TANC2: variants seen among roughly 807,000 people sequenced by gnomAD.
TANC2 encodes tetratricopeptide repeat, ankyrin repeat and coiled-coil containing 2.
TANC2 carries 26 observed loss-of-function variants against 210.5 expected under a neutral mutation model. The ratio of observed to expected loss-of-function variants is 0.12; its 90% CI spans 0.09 to 0.17. TANC2 has a LOEUF of 0.17. TANC2 is among the 10% of genes least tolerant of loss of function. TANC2 has a pLI of 1.00. For missense variants in TANC2, 2,129 were observed against 2,608.9 expected (o/e 0.82, Z 4.01); for synonymous variants, 931 against 967.1 (o/e 0.96, Z 0.69).
At chr17:63,197,674 A>C (rs1396097175) in intron 6 of TANC2, 1 of 152,206 alleles carries the variant, frequency 6.6e-6, no homozygotes, top group Non-Finnish European at 1.5e-5. Flanking sequence ...GGACCTTATG[A>C]ATTTCCTCTT....
chr17:63,166,329 GAT>G (rs972997150), intron 5 of TANC2, among the ~76,000 whole-genome samples: 1 of 151,818 alleles, frequency 6.6e-6, no homozygotes, highest in Non-Finnish European at 1.5e-5. Context: ...GAGAGAGAGA[GAT>G]AGAGATTGTT....
exon 28 of TANC2, chr17:63,423,524 G>A (rs2049074616): frequency 6.6e-6 from 1 of 152,202 alleles, no homozygotes. Context: ...CTGTTGTTAG[G>A]AATCATTCTG....
chr17:63,096,559 G>A (rs60282550), intron 3 of TANC2, among the ~76,000 whole-genome samples: 1,784 of 152,268 alleles, frequency 0.012, 34 homozygotes, highest in African/African-American at 0.041. Context: ...GCTTTTGAAT[G>A]TTGTAGCATG....
intron 9 of TANC2, among the ~76,000 whole-genome samples, chr17:63,284,354 G>A (rs1314366899): frequency 1.3e-5 from 2 of 151,840 alleles, no homozygotes; most frequent in African/African-American, 4.8e-5. Flanking sequence ...TGTATTTACT[G>A]TTCTGTATTT....
At chr17:63,074,316 A>T (rs190437291) in intron 3 of TANC2, among the ~76,000 whole-genome samples, 10 of 152,128 alleles carry the variant, frequency 6.6e-5, no homozygotes, top group Non-Finnish European at 1.0e-4. Flanking sequence ...TTCAACACCA[A>T]CATTTGTTGG....
chr17:63,262,469 C>T (rs770492228), intron 8 of TANC2, among the ~76,000 whole-genome samples: 17 of 152,130 alleles, frequency 1.1e-4, no homozygotes, highest in Non-Finnish European at 2.5e-4. Context: ...GGATTACAGG[C>T]GCAAGCCACC....
At chr17:63,276,912 A>G (rs1445498494) in intron 9 of TANC2, among the ~76,000 whole-genome samples, 1 of 152,166 alleles carries the variant, frequency 6.6e-6, no homozygotes, top group African/African-American at 2.4e-5. Flanking sequence ...CTTAATATAA[A>G]AAGCAATCGG....
intron 2 of TANC2, among the ~76,000 whole-genome samples, chr17:63,053,726 G>C (rs1037017802): frequency 6.6e-6 from 1 of 152,208 alleles, no homozygotes; most frequent in Non-Finnish European, 1.5e-5. Flanking sequence ...ACTCCGCATA[G>C]TCTCCTCATC....
At chr17:63,294,457 G>A (rs530307882) in intron 9 of TANC2, among the ~76,000 whole-genome samples, 3 of 151,916 alleles carry the variant, frequency 2.0e-5, no homozygotes, top group Non-Finnish European at 2.9e-5. Context: ...CAGCCTAGGC[G>A]ACAGAATGAG....
chr17:63,178,468 T>G (rs919812059), intron 5 of TANC2, among the ~76,000 whole-genome samples: 4 of 150,932 alleles, frequency 2.7e-5, no homozygotes, highest in Non-Finnish European at 5.9e-5. Context: ...CTTCCGTGCC[T>G]TTTTCAACAT....
At chr17:63,370,679 T>C (rs902541984) in intron 14 of TANC2, among the ~76,000 whole-genome samples, 1 of 152,184 alleles carries the variant, frequency 6.6e-6, no homozygotes, top group African/African-American at 2.4e-5. Flanking sequence ...TTGGAAGAGG[T>C]CTGCCCTGTA....
At chr17:63,017,818 G>C (rs1238769873) in intron 2 of TANC2, among the ~76,000 whole-genome samples, 1 of 152,096 alleles carries the variant, frequency 6.6e-6, no homozygotes, top group African/African-American at 2.4e-5. Flanking sequence ...ATAATTTATA[G>C]AGCGAGTAAT....
chr17:63,303,915 G>A (rs554560068), intron 9 of TANC2, among the ~76,000 whole-genome samples: 15 of 151,770 alleles, frequency 9.9e-5, no homozygotes, highest in South Asian at 4.2e-4. Flanking sequence ...CGAAGTTCTC[G>A]TGCTGTGTTT....
At chr17:63,149,487 T>TC (rs1238571407) in intron 4 of TANC2, 1 of 152,050 alleles carries the variant, frequency 6.6e-6, no homozygotes, top group African/African-American at 2.4e-5. Flanking sequence ...ATATATAGAG[T>TC]CCCTTGAGCA....
chr17:63,317,688 A>C (rs981918241), intron 10 of TANC2, among the ~76,000 whole-genome samples: 11 of 152,026 alleles, frequency 7.2e-5, no homozygotes, highest in Non-Finnish European at 1.5e-4. Context: ...CTACGTTCCT[A>C]CTCTGTTCAT....
At chr17:63,227,648 T>G (rs2042363154) in intron 7 of TANC2, among the ~76,000 whole-genome samples, 1 of 152,208 alleles carries the variant, frequency 6.6e-6, no homozygotes, top group African/African-American at 2.4e-5. Context: ...TTATTGCAAT[T>G]GCTTTTGATG....
At chr17:63,310,830 A>G (rs1293675444) in intron 9 of TANC2, among the ~76,000 whole-genome samples, 1 of 152,222 alleles carries the variant, frequency 6.6e-6, no homozygotes, top group Non-Finnish European at 1.5e-5. Flanking sequence ...GGTCATTTTC[A>G]CGCAACCAGG....
intron 2 of TANC2, among the ~76,000 whole-genome samples, chr17:63,027,783 C>CT (rs973110085): frequency 1.2e-4 from 19 of 152,164 alleles, no homozygotes; most frequent in African/African-American, 4.6e-4. Flanking sequence ...ATCATAGACT[C>CT]TTTGTCCTCA....
rs1365292463 is a variant in TANC2 at position 63,267,734 on chromosome 17, T to C, written c.1034-14T>C. On this transcript the variant is annotated splice_polypyrimidine_tract_variant and intron_variant, in intron 8 of 27. Transcript: ENST00000689528. ...GAACTTAAATATTCTAACTAAACTTTTCTTTCTTGTCAGCCACCAGCTCTG... is the reference window on the plus strand; with the variant it reads ...GAACTTAAATATTCTAACTAAACTTCTCTTTCTTGTCAGCCACCAGCTCTG... 5 of 1,610,258 alleles carry C rather than the reference T, an allele frequency of 3.1e-6. No homozygotes were observed. Among genetic ancestry groups the C allele is most frequent in the East Asian group, 2.2e-5 (1 of 44,786 alleles).
Sources: gnomAD v4.1 joint callset for allele counts (sites outside exome capture counted in the v4.1 genomes callset) on GRCh38, gnomAD v4.1.1 for gene constraint, MANE v1.5 for transcripts, NCBI Gene and HGNC (gene_info 2026-07-23, HGNC 2026-07-21) for gene names.